The following FASTKD1 variants were observed in gnomAD, a reference collection of about 807,000 sequenced individuals.
FASTKD1 encodes the protein FAST kinase domains 1, also known as FAST kinase domain-containing protein 1, mitochondrial.
Under a neutral mutation model 90.9 loss-of-function variants are expected in FASTKD1, and 94 were observed. That is an observed-to-expected ratio of 1.03 (90% confidence interval 0.88 to 1.23). The LOEUF (loss-of-function observed/expected upper bound fraction) is 1.23. Among genes scored for constraint, FASTKD1 ranks in the 50% most tolerant of loss-of-function variants. FASTKD1 has a pLI of 0.00. For synonymous variants in FASTKD1, 319 were observed against 345.8 expected, an observed-to-expected ratio of 0.92 and a Z score of 0.86; for missense variants, 945 against 993.5, an observed-to-expected ratio of 0.95 and a Z score of 0.66.
At chr2:169,550,653 G>A (rs1017528619) in intron 7 of FASTKD1, among the ~76,000 whole-genome samples, 1 of 151,940 alleles carries the variant, frequency 6.6e-6, no homozygotes, top group African/African-American at 2.4e-5. Flanking sequence ...TAATTCTTTA[G>A]TTTTTTGTAG....
Position 169,571,882 on chromosome 2 carries a change from C to T in FASTKD1, c.148G>A (p.Glu50Lys). Reference sequence around the variant, plus strand: ...CTTTCAATAAAACCAAACATTTGCTCCTCATCTGTACACTTATTCATCTGA... The same window carrying T: ...CTTTCAATAAAACCAAACATTTGCTTCTCATCTGTACACTTATTCATCTGA... ...IIQMNKCTDE[E>K]QMFGFIERNK... The change falls in exon 2 of 15, where the codon GAG (glutamate) becomes AAG (lysine). Residue 50 changes from glutamate to lysine, a missense_variant. By Grantham distance (56) the Glu-to-Lys change is moderately conservative. Transcript: ENST00000453153. 6.2e-7 allele frequency: 1 copy of T among 1,614,064 alleles called. No homozygotes were observed. Among genetic ancestry groups the T allele is most frequent in the Admixed American group, 1.7e-5 (1 of 60,022 alleles).
At chr2:169,573,463 G>C (rs1684319200) in intron 1 of FASTKD1, 2 of 152,286 alleles carry the variant, frequency 1.3e-5, no homozygotes, top group African/African-American at 4.8e-5. Flanking sequence ...GGGACCCTAA[G>C]GGGTATCTTC....
At position 169,555,227 on chromosome 2, in the gene FASTKD1, C is replaced by A; in HGVS notation, c.1111G>T (p.Asp371Tyr). Reference protein sequence around the residue: ...RVTSVLHKHLDGYKPLELLKI... With the variant: ...RVTSVLHKHLYGYKPLELLKI... ...AACAACTCTAATGGTTTATAGCCAT[C>A]CAAATGTTTATGCAGAACTGAAGTA... Residue 371 changes from aspartate to tyrosine, a missense_variant, in exon 7 of 15, where the codon GAT becomes TAT. Physicochemically the swap from Asp to Tyr is radical, Grantham distance 160. Transcript: ENST00000453153. 6.2e-7 allele frequency: 1 copy of A among 1,610,890 alleles called. No homozygotes were observed. Among genetic ancestry groups the A allele is most frequent in the Non-Finnish European group, 8.5e-7 (1 of 1,178,430 alleles).
rs748178523 is a variant in FASTKD1 at position 169,544,791 on chromosome 2, T to G, written c.1746A>C (p.Val582=). 6.2e-7 allele frequency: 1 copy of G among 1,612,978 alleles called. No homozygotes were observed. Among genetic ancestry groups the G allele is most frequent in the African/African-American group, 1.3e-5 (1 of 74,998 alleles). The change falls in exon 9 of 15, where the codon GTA becomes GTC. Residue 582 remains valine (V), a synonymous_variant. Coordinates refer to ENST00000453153, the MANE Select transcript of FASTKD1 (RefSeq NM_024622.6). The stretch of plus-strand genomic sequence containing the variant: ...CCCTTTGAGGTGGATCATAGTTCAA[T>G]ACGCTGAATGGACGAATAATAGCAG... ...TIPAIIRPFS[V]LNYDPPQRDE...
At chr2:169,560,991 G>A (rs1210502979) in intron 4 of FASTKD1, among the ~76,000 whole-genome samples, 1 of 147,398 alleles carries the variant, frequency 6.8e-6, no homozygotes, top group African/African-American at 2.5e-5. Flanking sequence ...CCACATAAGT[G>A]TATTTTTTTT....
At chr2:169,554,257 G>GCA in intron 7 of FASTKD1, among the ~76,000 whole-genome samples, 1 of 105,336 alleles carries the variant, frequency 9.5e-6, no homozygotes. Context: ...CAGCCCAGGG[G>GCA]ACAGAGTGAG....
chr2:169,561,938 T>A (rs929638778), intron 4 of FASTKD1, among the ~76,000 whole-genome samples: 3 of 136,888 alleles, frequency 2.2e-5, no homozygotes, highest in African/African-American at 8.5e-5. Flanking sequence ...TTTGTTAATT[T>A]ATTATAAATT....
intron 5 of FASTKD1, 102 bp from the exon 6 acceptor site, chr2:169,557,399 A>G: frequency 1.7e-6 from 1 of 584,108 alleles, no homozygotes; most frequent in South Asian, 2.1e-5. Context: ...AAAAAAATAT[A>G]AACAAAAACT....
intron 9 of FASTKD1, among the ~76,000 whole-genome samples, chr2:169,543,478 T>C (rs1685051761): frequency 6.6e-6 from 1 of 151,990 alleles, no homozygotes; most frequent in South Asian, 2.1e-4. Context: ...AAAAAAGTTA[T>C]AAAAGATAAT....
At chr2:169,547,162 T>C (rs1488441683) in intron 7 of FASTKD1, among the ~76,000 whole-genome samples, 1 of 152,164 alleles carries the variant, frequency 6.6e-6, no homozygotes, top group Non-Finnish European at 1.5e-5. Flanking sequence ...GTTGTTTATG[T>C]TTACAGGTTT....
At chr2:169,546,851 A>C in intron 7 of FASTKD1, 147 bp from the exon 8 acceptor site, 1 of 814,070 alleles carries the variant, frequency 1.2e-6, no homozygotes, top group Non-Finnish European at 1.9e-6. Flanking sequence ...CTAATCTCAA[A>C]CCACAACAAT....
At chr2:169,569,072 T>C in intron 3 of FASTKD1, 112 bp downstream of exon 3, 1 of 848,188 alleles carries the variant, frequency 1.2e-6, no homozygotes, top group Non-Finnish European at 1.9e-6. Context: ...AAATACATTT[T>C]TTTCAGTGAA....
rs546321732 is a variant in FASTKD1, at chr2:169,530,477, A to T, written c.2442+110T>A. ...CTGGCCTGTTTGAGTGATACATTTT[A>T]AAAAATATATTTAAAAAGGTAATTC... On this transcript the variant is annotated intron_variant, in intron 14 of 14. Transcript: ENST00000453153. 3.2e-5 allele frequency: 22 copies of T among 678,252 alleles called. No individual in the cohort carries two copies. The South Asian group carries it at 3.4e-4, about 11-fold the overall frequency. The allele number at this position is 678,252 out of a possible 1,614,324, so 42.0% of individuals were successfully genotyped here. A position where few individuals can be genotyped will look rare whatever the true frequency, so the allele number is the denominator to read the frequency against.
intron 14 of FASTKD1, 85 bp from the exon 15 acceptor site, chr2:169,530,011 A>C: frequency 1.1e-6 from 1 of 875,764 alleles, no homozygotes; most frequent in Non-Finnish European, 1.8e-6. Flanking sequence ...CTACTGATCA[A>C]AGCTGTAGGA....
chr2:169,543,288 A>AC (rs1197569038), intron 9 of FASTKD1, among the ~76,000 whole-genome samples: 3 of 152,168 alleles, frequency 2.0e-5, no homozygotes, highest in East Asian at 3.9e-4. Context: ...ACATGGAGAA[A>AC]CCCCGTCTCT....
intron 12 of FASTKD1, among the ~76,000 whole-genome samples, chr2:169,532,360 A>C (rs1448955584): frequency 1.3e-5 from 2 of 151,042 alleles, no homozygotes; most frequent in African/African-American, 4.9e-5. Flanking sequence ...GCAGTAAGCC[A>C]TGCTTGTGCC....
intron 3 of FASTKD1, among the ~76,000 whole-genome samples, chr2:169,564,307 A>T (rs2105427228): frequency 6.6e-6 from 1 of 152,234 alleles, no homozygotes; most frequent in East Asian, 1.9e-4. Context: ...TAATATCGAA[A>T]ATTTAAATTT....
Position 169,544,717 on chromosome 2 carries a change from C to T in FASTKD1, c.1816+4G>A. Reference sequence around the variant, plus strand: ...CTCAATGTATTACCAAACAATATACCTACCTAAGTAAGAATTAAGATGTTG... The same window carrying T: ...CTCAATGTATTACCAAACAATATACTTACCTAAGTAAGAATTAAGATGTTG... On this transcript the variant is annotated splice_donor_region_variant and intron_variant, in intron 9 of 14. Transcript: ENST00000453153. 1 of 1,514,972 alleles carries T rather than the reference C, an allele frequency of 6.6e-7. No homozygotes were observed. Among genetic ancestry groups the T allele is most frequent in the Non-Finnish European group, 9.2e-7 (1 of 1,091,160 alleles). 93.8% of individuals were successfully genotyped at this position (1,514,972 alleles called of 1,614,324 possible).
At chr2:169,535,491 A>G (rs1262375923) in intron 12 of FASTKD1, among the ~76,000 whole-genome samples, 1 of 151,586 alleles carries the variant, frequency 6.6e-6, no homozygotes, top group African/African-American at 2.4e-5. Context: ...TTATTTAGAG[A>G]CAGGGTCTAA....
Sources: gnomAD v4.1 joint callset for allele counts (sites outside exome capture counted in the v4.1 genomes callset) on GRCh38, gnomAD v4.1.1 for gene constraint, MANE v1.5 for transcripts, NCBI Gene and HGNC (gene_info 2026-07-23, HGNC 2026-07-21) for gene names.